Variants in PITPNM3 observed in about 807,000 individuals in gnomAD.
PITPNM3 encodes membrane-associated phosphatidylinositol transfer protein 3.
Under a neutral mutation model 102.0 loss-of-function variants are expected in PITPNM3, and 26 were observed. That is an observed-to-expected ratio of 0.25 (90% CI 0.19 to 0.35). The LOEUF is 0.35. PITPNM3 is among the 10% of genes least tolerant of loss of function. The probability of loss-of-function intolerance (pLI) is 1.00; values close to 1 mark genes in which losing one functional copy is unlikely to be tolerated. For missense variants in PITPNM3, 1,083 were observed against 1,346.1 expected (o/e 0.80, Z 3.06); for synonymous variants, 578 against 558.6 (o/e 1.03, Z -0.49).
intron 3 of PITPNM3, among the ~76,000 whole-genome samples, chr17:6,522,103 T>C (rs912200379): frequency 3.3e-5 from 5 of 152,096 alleles, no homozygotes; most frequent in African/African-American, 1.2e-4. Context: ...ATTTAGCCTA[T>C]AAAATATTCA....
Position 6,474,545 on chromosome 17 carries a change from A to T in PITPNM3, c.1145T>A (p.Leu382His). ...SETPAAGGPQ[L>H]PEVSLGRFDF... The stretch of plus-strand genomic sequence containing the variant: ...AAAGCGGCCCAGGCTGACCTCAGGG[A>T]GCTGCGGCCCCCCAGCCGCCGGGGT... Residue 382 changes from leucine to histidine, a missense_variant, in exon 10 of 20, where the codon CTC becomes CAC. Leu to His is a moderately conservative substitution (Grantham distance 99). Coordinates refer to ENST00000262483, the MANE Select transcript of PITPNM3 (RefSeq NM_031220.4). 1 of 1,606,806 alleles carries T rather than the reference A, an allele frequency of 6.2e-7. No individual in the cohort carries two copies.
chr17:6,511,376 G>A (rs1362580486), intron 3 of PITPNM3, among the ~76,000 whole-genome samples: 1 of 152,164 alleles, frequency 6.6e-6, no homozygotes, highest in Admixed American at 6.5e-5. Context: ...ATGACATCAA[G>A]CATTTTTATG....
chr17:6,524,631 C>T (rs557830394), intron 3 of PITPNM3, among the ~76,000 whole-genome samples: 11 of 152,310 alleles, frequency 7.2e-5, no homozygotes, highest in Non-Finnish European at 1.5e-4. Flanking sequence ...CATGCCTCTC[C>T]CTTCTGAGCT....
Position 6,457,589 on chromosome 17 carries a change from C to G in PITPNM3, c.2619+5G>C, listed in dbSNP as rs747264010. The stretch of plus-strand genomic sequence containing the variant: ...CTCCCCGCCTCCAGCCCCGCCTCCA[C>G]CCACCTGGCACTGGGTTTGGTACTT... On this transcript the variant is annotated splice_donor_5th_base_variant and intron_variant, in intron 19 of 19. Coordinates refer to ENST00000262483, the MANE Select transcript of PITPNM3 (RefSeq NM_031220.4). This position sits in a 1 kb window ranked among gnomAD's most constrained non-coding sequence, Gnocchi z 4.7. 6.2e-7 allele frequency: 1 copy of G among 1,604,388 alleles called. No homozygotes were observed. Among genetic ancestry groups the G allele is most frequent in the Admixed American group, 1.7e-5 (1 of 59,588 alleles).
intron 4 of PITPNM3, among the ~76,000 whole-genome samples, chr17:6,490,191 C>T (rs1906370699): frequency 6.6e-6 from 1 of 152,042 alleles, no homozygotes; most frequent in African/African-American, 2.4e-5. Context: ...TCCACAGCCC[C>T]CATTCCCCAG....
intron 1 of PITPNM3, among the ~76,000 whole-genome samples, chr17:6,542,079 C>A (rs576125759): frequency 6.6e-6 from 1 of 152,166 alleles, no homozygotes; most frequent in Non-Finnish European, 1.5e-5. Flanking sequence ...CTCCATTGCC[C>A]GCTCTCTTGG....
intron 3 of PITPNM3, 76 bp from the exon 4 acceptor site, chr17:6,503,650 T>C: frequency 2.8e-6 from 4 of 1,443,826 alleles, no homozygotes; most frequent in South Asian, 1.2e-5. Context: ...GGAGGCTGCT[T>C]GGAGCTGCCT....
intron 4 of PITPNM3, among the ~76,000 whole-genome samples, chr17:6,493,907 G>A (rs1409387991): frequency 1.3e-5 from 2 of 152,216 alleles, no homozygotes; most frequent in African/African-American, 4.8e-5. Context: ...GATCAGAGGT[G>A]CCATCCTGAA....
At chr17:6,512,305 T>C (rs563513002) in intron 3 of PITPNM3, among the ~76,000 whole-genome samples, 198 of 152,302 alleles carry the variant, frequency 1.3e-3, no homozygotes, top group African/African-American at 4.5e-3. Context: ...CAGAGATAGA[T>C]AGGCTGACAG....
intron 15 of PITPNM3, 58 bp downstream of exon 15, chr17:6,464,597 C>A: frequency 1.3e-6 from 2 of 1,521,420 alleles, no homozygotes; most frequent in Non-Finnish European, 1.8e-6. Context: ...CTATGTGGCT[C>A]CATGAGGCAC....
chr17:6,555,583 T>C (rs1046011382), intron 1 of PITPNM3, among the ~76,000 whole-genome samples: 11 of 152,158 alleles, frequency 7.2e-5, no homozygotes, highest in Non-Finnish European at 8.8e-5. Context: ...GCCCAGAATG[T>C]GCCCGATGAG....
intron 1 of PITPNM3, among the ~76,000 whole-genome samples, chr17:6,548,512 G>T (rs946630270): frequency 1.3e-5 from 2 of 152,254 alleles, no homozygotes; most frequent in East Asian, 3.9e-4. Context: ...AAGGGGAAGA[G>T]AAGGAACCCA....
chr17:6,475,046 TG>T (rs1217529121), intron 9 of PITPNM3, among the ~76,000 whole-genome samples: 2 of 152,292 alleles, frequency 1.3e-5, no homozygotes, highest in Non-Finnish European at 2.9e-5. Flanking sequence ...GGCTTTGTGT[TG>T]GCCACACTGA....
At position 6,478,212 on chromosome 17, in the gene PITPNM3, G is replaced by C; in HGVS notation, c.778-115C>G. ...AGAATGAGAAACTCGTCCTTGGGAG[G>C]TGTTGAGAGAGCCCAACTGGGAAGC... On this transcript the variant is annotated intron_variant, in intron 7 of 19. Transcript: ENST00000262483. This position sits in a 1 kb window ranked among gnomAD's most constrained non-coding sequence, Gnocchi z 4.4. 6.5e-7 allele frequency: 1 copy of C among 1,534,988 alleles called. No homozygotes were observed. The highest frequency in any genetic ancestry group is 8.8e-7 in the Non-Finnish European group (1 of 1,134,794).
At chr17:6,482,018 C>T (rs1450490724) in intron 6 of PITPNM3, among the ~76,000 whole-genome samples, 1 of 108,798 alleles carries the variant, frequency 9.2e-6, no homozygotes, top group Admixed American at 9.3e-5. Flanking sequence ...CTCTCTCTCT[C>T]TCTCTCTCTC....
rs1293977610 is a variant in PITPNM3, at chr17:6,468,903, G to C, written c.1774-562C>G. Among the ~76,000 whole-genome samples, 2 of 152,084 alleles carry C rather than the reference G, an allele frequency of 1.3e-5. No individual in the cohort carries two copies. The highest frequency in any genetic ancestry group is 2.9e-5 in the Non-Finnish European group (2 of 68,018). ...TGACAGAGGACTTAGCCCATATGCTGTCACCCCTTCCTCACCTGCCCCCTC... is the reference window on the plus strand; with the variant it reads ...TGACAGAGGACTTAGCCCATATGCTCTCACCCCTTCCTCACCTGCCCCCTC... On this transcript the variant is annotated intron_variant, in intron 13 of 19. Coordinates refer to ENST00000262483, the MANE Select transcript of PITPNM3 (RefSeq NM_031220.4). The surrounding 1 kb of genome is among the most constrained non-coding windows in gnomAD (Gnocchi z 5.2).
intron 1 of PITPNM3, among the ~76,000 whole-genome samples, chr17:6,546,059 A>G (rs897399910): frequency 6.6e-6 from 1 of 152,230 alleles, no homozygotes; most frequent in African/African-American, 2.4e-5. Flanking sequence ...AGACCAGTCC[A>G]GGGCCAGCCA....
Position 6,485,410 on chromosome 17 carries a change from G to A in PITPNM3, c.275-1118C>T, listed in dbSNP as rs559306926. On this transcript the variant is annotated intron_variant, in intron 4 of 19. Transcript: ENST00000262483. Reference sequence around the variant, plus strand: ...TGACCTCAAGTGATCCGCCCACCTCGGCCTCCCAAAGTGCTGGGATTACAG... The same window carrying A: ...TGACCTCAAGTGATCCGCCCACCTCAGCCTCCCAAAGTGCTGGGATTACAG... Among the ~76,000 whole-genome samples the A allele has an allele frequency of 4.0e-5, 6 of 151,886 alleles. No homozygotes were observed. The East Asian group carries it at 7.8e-4, about 20-fold the overall frequency.
intron 1 of PITPNM3, among the ~76,000 whole-genome samples, chr17:6,553,981 A>G (rs12603557): frequency 1.3e-5 from 2 of 152,262 alleles, no homozygotes; most frequent in Admixed American, 1.3e-4. Context: ...TCATACACAC[A>G]TTACTGTGTG....
Sources: gnomAD v4.1 joint callset for allele counts (sites outside exome capture counted in the v4.1 genomes callset) on GRCh38, gnomAD v4.1.1 for gene constraint, Gnocchi (gnomAD v3.1) non-coding constraint, MANE v1.5 for transcripts, NCBI Gene and HGNC (gene_info 2026-07-23, HGNC 2026-07-21) for gene names.